The following SRCAP variants were observed in gnomAD, a reference collection of about 807,000 sequenced individuals.
SRCAP encodes the protein Snf2 related CREBBP activator protein.
In SRCAP, 46 loss-of-function variants were observed where a neutral mutation model predicts 263.1. The ratio of observed to expected loss-of-function variants is 0.17; its 90% CI spans 0.14 to 0.22. The LOEUF (loss-of-function observed/expected upper bound fraction) is 0.22. SRCAP is among the 10% of genes least tolerant of loss of function. SRCAP has a pLI of 1.00. For synonymous variants in SRCAP, 1,813 were observed against 1,662.1 expected, an observed-to-expected ratio of 1.09 and a Z score of -2.21; for missense variants, 3,695 against 4,181.9, an observed-to-expected ratio of 0.88 and a Z score of 3.21.
chr16:30,707,532 T>C (rs769034500), intron 5 of SRCAP, 40 bp from the exon 6 acceptor site: 3 of 1,609,188 alleles, frequency 1.9e-6, no homozygotes, highest in Non-Finnish European at 2.5e-6. Flanking sequence ...TGGGGAAGTC[T>C]GGCTTTGAGT....
In SRCAP at chr16:30,740,058, T is replaced by G; in HGVS notation, c.*325T>G. ...TTAGGGGAAGGGGGAGGGGCTTCTC[T>G]ACAATGAGGTTTTTTTCTTTTTTTT... On this transcript the variant is annotated 3_prime_UTR_variant, in exon 34 of 34. Transcript: ENST00000262518. 4.6e-6 allele frequency: 1 copy of G among 217,996 alleles called. No individual in the cohort carries two copies. The highest frequency in any genetic ancestry group is 8.9e-6 in the Non-Finnish European group (1 of 112,540). 13.5% of individuals were successfully genotyped at this position (217,996 alleles called of 1,614,324 possible). A position where few individuals can be genotyped will look rare whatever the true frequency, so the allele number is the denominator to read the frequency against.
At chr16:30,722,828 C>T (rs1201570105) in intron 23 of SRCAP, 80 bp downstream of exon 23, 5 of 1,550,910 alleles carry the variant, frequency 3.2e-6, no homozygotes, top group East Asian at 4.5e-5. Flanking sequence ...TCTGTCCAGC[C>T]TTCCCTCAGT....
rs529393104 is a variant in SRCAP at position 30,724,171 on chromosome 16, C to G, written c.4747C>G (p.Leu1583Val). Reference sequence around the variant, plus strand: ...TCCAGCATCTTCTGCATCTCAGGCTCTAGCCACCCCTCTGGCTCCTATGGC... The same window carrying G: ...TCCAGCATCTTCTGCATCTCAGGCTGTAGCCACCCCTCTGGCTCCTATGGC... ...LAPASSASQA[L>V]ATPLAPMAAP... is the part of the protein sequence containing the mutation. Residue 1583 changes from leucine (L) to valine (V), a missense_variant, in exon 25 of 34, where the codon CTA becomes GTA. Physicochemically the swap from Leu to Val is conservative, Grantham distance 32. This residue lies in a region of SRCAP where 1,347 missense variants were observed against 1,304.4 expected (regional missense o/e 1.03). Coordinates refer to ENST00000262518, the MANE Select transcript of SRCAP (RefSeq NM_006662.3). 1.9e-6 allele frequency: 3 copies of G among 1,614,182 alleles called. No homozygotes were observed. The highest frequency in any genetic ancestry group is 2.2e-5 in the East Asian group (1 of 44,880).
chr16:30,725,036 G>T lies in SRCAP; in HGVS notation c.5612G>T (p.Arg1871Leu). 1.9e-6 allele frequency: 3 copies of T among 1,612,730 alleles called. No homozygotes were observed. The highest frequency in any genetic ancestry group is 1.7e-6 in the Non-Finnish European group (2 of 1,179,318). ...ACTGCTACCTCGTTTGGTGGCCCCC[G>T]GCCTCGACGCCAGCCCCCCCCACCA... ...PSTATSFGGP[R>L]PRRQPPPPPR... is the part of the protein sequence containing the mutation. The change falls in exon 25 of 34, where the codon CGG (arginine) becomes CTG (leucine). Residue 1871 changes from arginine (R) to leucine (L), a missense_variant. By Grantham distance (102) the Arg-to-Leu change is moderately radical. Coordinates refer to ENST00000262518, the MANE Select transcript of SRCAP (RefSeq NM_006662.3).
chr16:30,700,586 T>G, intron 2 of SRCAP, 30 bp from the exon 3 acceptor site: 1 of 417,892 alleles, frequency 2.4e-6, no homozygotes. Flanking sequence ...TGCATTTCTG[T>G]CTTTTTTTTT....
Position 30,711,962 on chromosome 16 carries a change from A to G in SRCAP, c.1620A>G (p.Ala540=), listed in dbSNP as rs377073679. Residue 540 remains alanine, a synonymous_variant, in exon 12 of 34, where the codon GCA becomes GCG. Transcript: ENST00000262518. ...AGGATGCCCAATCACAGAGCCAAGC[A>G]GATGAAGAGGAGGAAGATGATGATT... ...ESEDAQSQSQ[A]DEEEEDDDFG... The G allele has an allele frequency of 6.2e-7, 1 of 1,613,938 alleles. No homozygotes were observed. Among genetic ancestry groups the G allele is most frequent in the Non-Finnish European group, 8.5e-7 (1 of 1,180,014 alleles).
At position 30,733,921 on chromosome 16, in the gene SRCAP, G is replaced by T; in HGVS notation, c.6522G>T (p.Glu2174Asp). 1 of 1,614,098 alleles carries T rather than the reference G, an allele frequency of 6.2e-7. No individual in the cohort carries two copies. The highest frequency in any genetic ancestry group is 8.5e-7 in the Non-Finnish European group (1 of 1,180,024). ...YRLISERTVE[E>D]NILKKANQKR... Reference sequence around the variant, plus strand: ...TTATCAGTGAACGGACAGTGGAGGAGAACATCCTAAAAAAGGCAAATCAGA... The same window carrying T: ...TTATCAGTGAACGGACAGTGGAGGATAACATCCTAAAAAAGGCAAATCAGA... Residue 2174 changes from glutamate to aspartate, a missense_variant, in exon 30 of 34, where the codon GAG becomes GAT. Physicochemically the swap from Glu to Asp is conservative, Grantham distance 45 (BLOSUM62 2). This residue lies in a region of SRCAP where 138 missense variants were observed against 254.9 expected (regional missense o/e 0.54). Transcript: ENST00000262518. The surrounding 1 kb of genome is among the most constrained non-coding windows in gnomAD (Gnocchi z 5.3).
chr16:30,709,063 C>T (rs1386827934), intron 6 of SRCAP, among the ~76,000 whole-genome samples: 1 of 152,174 alleles, frequency 6.6e-6, no homozygotes, highest in Non-Finnish European at 1.5e-5. Flanking sequence ...ACGTGATCCT[C>T]CCACTTCAGC....
At chr16:30,722,534 C>G (rs752286463) in intron 22 of SRCAP, 29 bp from the exon 23 acceptor site, 4 of 1,608,692 alleles carry the variant, frequency 2.5e-6, no homozygotes, top group East Asian at 2.2e-5. Context: ...AGCTGCTTCT[C>G]TCTCTCTTTC....
At chr16:30,706,064 C>T (rs991365510) in intron 4 of SRCAP, among the ~76,000 whole-genome samples, 2 of 152,188 alleles carry the variant, frequency 1.3e-5, no homozygotes, top group African/African-American at 4.8e-5. Flanking sequence ...CTAATATCCA[C>T]GTCTTTCTTG....
intron 3 of SRCAP, among the ~76,000 whole-genome samples, chr16:30,701,669 A>T (rs1244305842): frequency 1.8e-5 from 2 of 113,396 alleles, no homozygotes; most frequent in Admixed American, 8.7e-5. Context: ...AGTGTCTTTC[A>T]GCCAGGCTGG....
chr16:30,716,405 C>T lies in SRCAP; in HGVS notation c.2743C>T (p.Pro915Ser), dbSNP rs752848452. Residue 915 changes from proline (P) to serine (S), a missense_variant, in exon 18 of 34, where the codon CCT (proline) becomes TCT (serine). Physicochemically the swap from Pro to Ser is moderately conservative, Grantham distance 74. This residue lies in a region of SRCAP where 147 missense variants were observed against 212.7 expected (regional missense o/e 0.69). Transcript: ENST00000262518. ...NLFDPRPVTSPFITPGICFST... is the reference protein window; with the variant it reads ...NLFDPRPVTSSFITPGICFST... ...GTTCGACCCTCGACCGGTTACCTCC[C>T]CTTTCATCACCCCAGGCATCTGCTT... 2 of 1,614,210 alleles carry T rather than the reference C, an allele frequency of 1.2e-6. No individual in the cohort carries two copies. Among genetic ancestry groups the T allele is most frequent in the Admixed American group, 3.3e-5 (2 of 60,026 alleles).
Position 30,722,711 on chromosome 16 carries a change from C to G in SRCAP, c.3855C>G (p.Ala1285=). Reference sequence around the variant, plus strand: ...CTTCGACCCCCAGCACCACCCCTGCCCCTACTGGCCTCAGCCTTCCGCTTG... The same window carrying G: ...CTTCGACCCCCAGCACCACCCCTGCGCCTACTGGCCTCAGCCTTCCGCTTG... ...LPSSTPSTTP[A]PTGLSLPLAA... is the part of the protein sequence containing the mutation. Residue 1285 remains alanine (A), a synonymous_variant, in exon 23 of 34, where the codon GCC becomes GCG. Transcript: ENST00000262518. The G allele has an allele frequency of 9.9e-6, 16 of 1,613,764 alleles. No homozygotes were observed. The highest frequency in any genetic ancestry group is 1.4e-5 in the Non-Finnish European group (16 of 1,179,872).
Position 30,733,732 on chromosome 16 carries a change from C to T in SRCAP, c.6428C>T (p.Thr2143Ile). Residue 2143 changes from threonine to isoleucine, a missense_variant, in exon 29 of 34, where the codon ACC becomes ATC. Coordinates refer to ENST00000262518, the MANE Select transcript of SRCAP (RefSeq NM_006662.3). The surrounding 1 kb of genome is among the most constrained non-coding windows in gnomAD (Gnocchi z 5.3). The stretch of plus-strand genomic sequence containing the variant: ...TTTTATGACAGCGACTGGAATCCCA[C>T]CATGGATGCTCAGGCCCAGGACCGC... ...VVFYDSDWNP[T>I]MDAQAQDRCH... 6.2e-7 allele frequency: 1 copy of T among 1,614,202 alleles called. No individual in the cohort carries two copies. Among genetic ancestry groups the T allele is most frequent in the Non-Finnish European group, 8.5e-7 (1 of 1,180,038 alleles).
chr16:30,734,467 C>CT (rs1269820715), intron 30 of SRCAP, 29 bp from the exon 31 acceptor site: 15 of 1,612,964 alleles, frequency 9.3e-6, no homozygotes, highest in Admixed American at 1.7e-5. Flanking sequence ...TCTGTTGACT[C>CT]TGACACTTCC....
Position 30,723,622 on chromosome 16 carries a change from C to T in SRCAP, c.4198C>T (p.Pro1400Ser), listed in dbSNP as rs1162173815. Residue 1400 changes from proline (P) to serine (S), a missense_variant, in exon 25 of 34, where the codon CCT becomes TCT. By Grantham distance (74) the Pro-to-Ser change is moderately conservative. Transcript: ENST00000262518. ...AGCTGCCCCCTTGACCATCTCTTCT[C>T]CTCTCCACGTGCCATCCTCCCTCCC... The part of the protein sequence containing the change: ...PGAAPLTISS[P>S]LHVPSSLPGP... The T allele has an allele frequency of 6.2e-7, 1 of 1,612,882 alleles. No individual in the cohort carries two copies. Among genetic ancestry groups the T allele is most frequent in the African/African-American group, 1.3e-5 (1 of 74,832 alleles).
Position 30,737,382 on chromosome 16 carries a change from G to C in SRCAP, c.7342G>C (p.Ala2448Pro). The change falls in exon 34 of 34, where the codon GCT becomes CCT. Residue 2448 changes from alanine to proline, a missense_variant. Around this residue, in one of 12 missense-constraint regions of SRCAP, gnomAD observed 1,207 missense variants for 1,142.9 expected, o/e 1.06. Transcript: ENST00000262518. ...AGCACCTAGGCCTCGACCCACTCCAGCTTCAGCTCCGGCTGCAATTCCTGC... is the reference window on the plus strand; with the variant it reads ...AGCACCTAGGCCTCGACCCACTCCACCTTCAGCTCCGGCTGCAATTCCTGC... ...RPAPRPRPTP[A>P]SAPAAIPALV... 1 of 1,613,102 alleles carries C rather than the reference G, an allele frequency of 6.2e-7. No individual in the cohort carries two copies. The highest frequency in any genetic ancestry group is 8.5e-7 in the Non-Finnish European group (1 of 1,179,638).
chr16:30,725,103 AG>A, intron 25 of SRCAP, 21 bp downstream of exon 25: 1 of 1,582,910 alleles, frequency 6.3e-7, no homozygotes, highest in Non-Finnish European at 8.6e-7. Context: ...CTTCCTCAAG[AG>A]GGAACAGGAA....
At chr16:30,721,731 T>G (rs186861177) in intron 21 of SRCAP, among the ~76,000 whole-genome samples, 6 of 152,358 alleles carry the variant, frequency 3.9e-5, no homozygotes, top group Admixed American at 3.9e-4. Flanking sequence ...TTAGGCATTA[T>G]GCCAGACATT....
Sources: allele counts gnomAD v4.1 joint callset (sites outside exome capture counted in the v4.1 genomes callset), GRCh38; gene constraint gnomAD v4.1.1; regional missense constraint gnomAD v4.1.1; non-coding constraint Gnocchi (gnomAD v3.1); transcripts MANE v1.5; gene names NCBI Gene and HGNC (gene_info 2026-07-23, HGNC 2026-07-21).